SOX5: variants seen among roughly 807,000 people sequenced by gnomAD.
SOX5 encodes the protein SRY-box transcription factor 5, also known as transcription factor SOX-5.
Under a neutral mutation model 92.0 loss-of-function variants are expected in SOX5, and 9 were observed. That is an observed-to-expected ratio of 0.10 (90% confidence interval 0.06 to 0.17). The LOEUF is 0.17. Among genes scored for constraint, SOX5 ranks in the 10% least tolerant of loss-of-function variants. The pLI, the probability that SOX5 is intolerant of heterozygous loss-of-function variation, is 1.00. For missense variants in SOX5, 642 were observed against 944.5 expected (o/e 0.68, Z 4.20); for synonymous variants, 344 against 336.3 (o/e 1.02, Z -0.25).
At chr12:24,199,467 C>T (rs994323763) in intron 4 of SOX5, among the ~76,000 whole-genome samples, 8 of 152,160 alleles carry the variant, frequency 5.3e-5, no homozygotes, top group African/African-American at 1.7e-4. Context: ...GAACGGATGA[C>T]TTCTAATGAA....
At chr12:23,759,757 ATGTAAG>A (rs1337090949) in intron 3 of SOX5, among the ~76,000 whole-genome samples, 9 of 152,248 alleles carry the variant, frequency 5.9e-5, no homozygotes, top group East Asian at 5.8e-4. Context: ...TGACACAATT[ATGTAAG>A]TGTAAGTGCT....
At chr12:23,962,899 C>T (rs942594483) in intron 4 of SOX5, among the ~76,000 whole-genome samples, 17 of 151,524 alleles carry the variant, frequency 1.1e-4, no homozygotes, top group Admixed American at 5.3e-4. Context: ...ATAAGCAACC[C>T]GAACATTTTG....
chr12:23,972,118 C>T (rs937180753), intron 4 of SOX5, among the ~76,000 whole-genome samples: 1 of 152,054 alleles, frequency 6.6e-6, no homozygotes, highest in Non-Finnish European at 1.5e-5. Flanking sequence ...ATGGGGGAGA[C>T]CTGTAGACTG....
intron 2 of SOX5, among the ~76,000 whole-genome samples, chr12:23,875,326 A>G (rs1595273649): frequency 6.6e-6 from 1 of 152,196 alleles, no homozygotes; most frequent in Non-Finnish European, 1.5e-5. Context: ...GTTTGTTTGT[A>G]TCATTAGGAA....
At chr12:23,874,722 C>A (rs1052313229) in intron 2 of SOX5, among the ~76,000 whole-genome samples, 1 of 152,122 alleles carries the variant, frequency 6.6e-6, no homozygotes, top group African/African-American at 2.4e-5. Flanking sequence ...CTACTGAGTA[C>A]AAATATACTC....
At chr12:24,436,174 G>A (rs1031479697) in intron 1 of SOX5, among the ~76,000 whole-genome samples, 1 of 152,076 alleles carries the variant, frequency 6.6e-6, no homozygotes, top group African/African-American at 2.4e-5. Flanking sequence ...TGGAAGGAAG[G>A]GTCTCATGTC....
intron 4 of SOX5, among the ~76,000 whole-genome samples, chr12:23,977,591 A>G (rs1382516340): frequency 7.0e-6 from 1 of 143,322 alleles, no homozygotes; most frequent in East Asian, 2.2e-4. Flanking sequence ...TGAACCCAGG[A>G]AGCAAAGGGT....
chr12:24,275,858 C>T (rs1240342250), intron 3 of SOX5, among the ~76,000 whole-genome samples: 1 of 152,102 alleles, frequency 6.6e-6, no homozygotes. Flanking sequence ...CATCTCTCTA[C>T]ATTCTTGTTA....
intron 3 of SOX5, among the ~76,000 whole-genome samples, chr12:24,221,804 AG>A (rs570129406): frequency 6.6e-5 from 10 of 152,366 alleles, no homozygotes; most frequent in African/African-American, 2.4e-4. Flanking sequence ...AATTTTAAGC[AG>A]GGTGACTAGA....
chr12:24,047,481 T>C (rs61600884), intron 4 of SOX5, among the ~76,000 whole-genome samples: 2,778 of 152,310 alleles, frequency 0.018, 65 homozygotes, highest in African/African-American at 0.063. Context: ...ACTCATTCTG[T>C]GTACTGTAAG....
chr12:24,212,911 A>C (rs1485900810), intron 4 of SOX5, among the ~76,000 whole-genome samples: 1 of 152,208 alleles, frequency 6.6e-6, no homozygotes, highest in Non-Finnish European at 1.5e-5. Context: ...CACAGAGTAC[A>C]TGGCAGAGAA....
intron 2 of SOX5, among the ~76,000 whole-genome samples, chr12:23,868,959 T>C (rs890520777): frequency 1.3e-5 from 2 of 152,148 alleles, no homozygotes; most frequent in African/African-American, 2.4e-5. Context: ...CCCCAGAATC[T>C]GCCCTTCATC....
chr12:24,057,850 A>T (rs758925907), intron 4 of SOX5, among the ~76,000 whole-genome samples: 7 of 152,238 alleles, frequency 4.6e-5, no homozygotes, highest in Non-Finnish European at 8.8e-5. Context: ...GGCATAATGT[A>T]GCCAATAGCA....
intron 4 of SOX5, among the ~76,000 whole-genome samples, chr12:23,989,737 A>C (rs1950384141): frequency 6.6e-6 from 1 of 152,144 alleles, no homozygotes; most frequent in South Asian, 2.1e-4. Context: ...AGAAGCAGGC[A>C]GTCTGCAACA....
At chr12:24,241,780 A>G (rs1161339144) in intron 3 of SOX5, among the ~76,000 whole-genome samples, 1 of 152,178 alleles carries the variant, frequency 6.6e-6, no homozygotes, top group Admixed American at 6.5e-5. Context: ...GAATATCGAT[A>G]TTCTGGATTT....
In SOX5 at chr12:24,098,878, G is replaced by A. The variant is rs543620007; in HGVS notation, c.-2+114465C>T. Among the ~76,000 whole-genome samples, 50 of 152,204 alleles carry A rather than the reference G, an allele frequency of 3.3e-4. No homozygotes were observed. In the South Asian group the frequency reaches 1.0e-2, roughly 30 times the overall value. On this transcript the variant is annotated intron_variant, in intron 4 of 4. Transcript: ENST00000446891. Reference sequence around the variant, plus strand: ...ATGCTCAGACTGGCGCTAGCCCTGGGTATCTTATGTGCCCTCCACCCAAGT... The same window carrying A: ...ATGCTCAGACTGGCGCTAGCCCTGGATATCTTATGTGCCCTCCACCCAAGT...
At chr12:23,705,799 T>C (rs2091309545) in intron 6 of SOX5, among the ~76,000 whole-genome samples, 1 of 152,052 alleles carries the variant, frequency 6.6e-6, no homozygotes, top group Admixed American at 6.6e-5. Flanking sequence ...TGATTCTCTC[T>C]TTTTAACTGC....
chr12:24,182,438 T>G (rs1389212323), intron 4 of SOX5, among the ~76,000 whole-genome samples: 1 of 152,190 alleles, frequency 6.6e-6, no homozygotes, highest in Non-Finnish European at 1.5e-5. Flanking sequence ...GCAAAATGAT[T>G]TGTAGGAGCA....
chr12:23,755,445 C>T (rs932274366), intron 4 of SOX5, among the ~76,000 whole-genome samples, 193 bp downstream of exon 4: 1 of 151,592 alleles, frequency 6.6e-6, no homozygotes, highest in African/African-American at 2.4e-5. Flanking sequence ...ATCATTTATT[C>T]CATAAGGCAC....
Sources: allele counts gnomAD v4.1 joint callset (sites outside exome capture counted in the v4.1 genomes callset), GRCh38; gene constraint gnomAD v4.1.1; transcripts MANE v1.5; gene names NCBI Gene and HGNC (gene_info 2026-07-23, HGNC 2026-07-21).